Variants in PPP2R2C observed in about 807,000 individuals in gnomAD.
PPP2R2C encodes the protein protein phosphatase 2, regulatory subunit B, gamma.
In PPP2R2C, 10 loss-of-function variants were observed where a neutral mutation model predicts 45.3. That is an observed-to-expected ratio of 0.22 (90% CI 0.14 to 0.37). The LOEUF is 0.37. PPP2R2C is among the 10% of genes least tolerant of loss of function. The pLI, the probability that PPP2R2C is intolerant of heterozygous loss-of-function variation, is 1.00. For synonymous variants in PPP2R2C, 257 were observed against 245.4 expected (o/e 1.05, Z -0.44); for missense variants, 308 against 619.7 (o/e 0.50, Z 5.34).
At chr4:6,452,145 A>G (rs1720770529) in intron 1 of PPP2R2C, among the ~76,000 whole-genome samples, 1 of 152,156 alleles carries the variant, frequency 6.6e-6, no homozygotes, top group South Asian at 2.1e-4. Flanking sequence ...GAGCCTGGAC[A>G]GGAAGCAGGA....
rs1199520547 is a variant in PPP2R2C, at chr4:6,332,509, C to T, written c.960+1053G>A. ...CTCTGGGGCCCAGGTCAGATCAGAG[C>T]AGCCCACCCTCTGAGCTCTGCACCA... On this transcript the variant is annotated intron_variant, in intron 7 of 8. Coordinates refer to ENST00000382599, the MANE Select transcript of PPP2R2C (RefSeq NM_020416.4). The surrounding 1 kb of genome is among the most constrained non-coding windows in gnomAD (Gnocchi z 4.9). 1.3e-5 allele frequency among the ~76,000 whole-genome samples: 2 copies of T among 152,180 alleles called. No individual in the cohort carries two copies. Among genetic ancestry groups the T allele is most frequent in the African/African-American group, 4.8e-5 (2 of 41,430 alleles).
intron 1 of PPP2R2C, among the ~76,000 whole-genome samples, chr4:6,446,201 A>T (rs1577188732): frequency 6.6e-6 from 1 of 152,212 alleles, no homozygotes; most frequent in East Asian, 1.9e-4. Context: ...ACGTTCTGAG[A>T]CTCTAGAACT....
At chr4:6,552,160 T>A (rs1413180032) in intron 1 of PPP2R2C, among the ~76,000 whole-genome samples, 1 of 152,244 alleles carries the variant, frequency 6.6e-6, no homozygotes, top group African/African-American at 2.4e-5. Flanking sequence ...CCATGGCACC[T>A]GCTCTGAAAT....
At chr4:6,473,188 G>C (rs530527281), upstream of PPP2R2C, among the ~76,000 whole-genome samples, 9 of 152,214 alleles carry the variant, frequency 5.9e-5, no homozygotes, top group East Asian at 1.7e-3. Context: ...GCAGGGCTCT[G>C]AGATCTCTCC....
chr4:6,470,768 G>A (rs984051553), intron 1 of PPP2R2C, among the ~76,000 whole-genome samples: 1 of 151,688 alleles, frequency 6.6e-6, no homozygotes, highest in African/African-American at 2.4e-5. Flanking sequence ...TCCCAAAGCC[G>A]CGGCCGGGTC....
Position 6,332,263 on chromosome 4 carries a change from T to C in PPP2R2C, c.960+1299A>G, listed in dbSNP as rs1732466925. 6.6e-6 allele frequency among the ~76,000 whole-genome samples: 1 copy of C among 152,190 alleles called. No homozygotes were observed. Among genetic ancestry groups the C allele is most frequent in the Non-Finnish European group, 1.5e-5 (1 of 68,038 alleles). ...AGCCAGAGAGTTGCTCCTGCAGGCT[T>C]GAGCCGGGCTTATCCTGTCCCTCTC... is the stretch of plus-strand genomic sequence containing the variant. On this transcript the variant is annotated intron_variant, in intron 7 of 8. Transcript: ENST00000382599. The surrounding 1 kb of genome is among the most constrained non-coding windows in gnomAD (Gnocchi z 4.9).
At chr4:6,422,400 TC>T (rs765525201) in intron 1 of PPP2R2C, among the ~76,000 whole-genome samples, 27 of 152,214 alleles carry the variant, frequency 1.8e-4, no homozygotes, top group Non-Finnish European at 3.8e-4. Context: ...AGCCTCAGCG[TC>T]CTCATTTTTT....
intron 5 of PPP2R2C, among the ~76,000 whole-genome samples, chr4:6,366,458 T>A (rs1256641081): frequency 6.6e-6 from 1 of 152,186 alleles, no homozygotes; most frequent in East Asian, 1.9e-4. Context: ...TATCGCCAAG[T>A]CCTATGTGGA....
Position 6,321,626 on chromosome 4 carries a change from T to C in PPP2R2C, c.*1676A>G, listed in dbSNP as rs936266412. ...AATAACCTCAGCTGGGTCTGTTTCCTGGGTTATGTTATATCTTGTAAAAAA... is the reference window on the plus strand; with the variant it reads ...AATAACCTCAGCTGGGTCTGTTTCCCGGGTTATGTTATATCTTGTAAAAAA... On this transcript the variant is annotated 3_prime_UTR_variant, in exon 9 of 9. Coordinates refer to ENST00000382599, the MANE Select transcript of PPP2R2C (RefSeq NM_020416.4). The C allele has an allele frequency of 6.6e-6, 1 of 151,466 alleles. No individual in the cohort carries two copies. Among genetic ancestry groups the C allele is most frequent in the Admixed American group, 6.6e-5 (1 of 15,168 alleles). 9.4% of individuals were successfully genotyped at this position (151,466 alleles called of 1,614,324 possible). A position where few individuals can be genotyped will look rare whatever the true frequency, so the allele number is the denominator to read the frequency against.
At chr4:6,506,319 G>A (rs996959508) in intron 2 of PPP2R2C, among the ~76,000 whole-genome samples, 4 of 152,146 alleles carry the variant, frequency 2.6e-5, no homozygotes, top group African/African-American at 4.8e-5. Flanking sequence ...TACACTTTAC[G>A]GAACATAGCT....
At chr4:6,472,132 G>C (rs970833983) in intron 1 of PPP2R2C, 28 bp downstream of exon 1, 38 of 1,613,096 alleles carry the variant, frequency 2.4e-5, no homozygotes, top group Non-Finnish European at 3.2e-5. Flanking sequence ...CGGCCGGCCG[G>C]AGGGGTCTCA....
intron 2 of PPP2R2C, among the ~76,000 whole-genome samples, chr4:6,526,771 C>A (rs1724222046): frequency 6.6e-6 from 1 of 152,174 alleles, no homozygotes; most frequent in Non-Finnish European, 1.5e-5. Context: ...AGAACCAACC[C>A]TGGTTTTGCA....
chr4:6,457,866 A>C (rs1240082066), intron 1 of PPP2R2C, among the ~76,000 whole-genome samples: 1 of 152,220 alleles, frequency 6.6e-6, no homozygotes, highest in Non-Finnish European at 1.5e-5. Flanking sequence ...TTGCAGAATT[A>C]TCTTTCTCCA....
At chr4:6,334,680 G>A (rs1054691278) in intron 6 of PPP2R2C, among the ~76,000 whole-genome samples, 3 of 152,172 alleles carry the variant, frequency 2.0e-5, no homozygotes, top group Non-Finnish European at 4.4e-5. Flanking sequence ...GATGGGAAGA[G>A]AACAGGGTGG....
chr4:6,472,626 G>GGCCGCCGCC (rs987279249), upstream of PPP2R2C, among the ~76,000 whole-genome samples: 9 of 147,078 alleles, frequency 6.1e-5, no homozygotes, highest in Non-Finnish European at 1.2e-4. Context: ...CGCGGGCTGG[G>GGCCGCCGCC]GCCGCCGCCG....
At chr4:6,348,221 CT>C (rs1712187216) in intron 5 of PPP2R2C, among the ~76,000 whole-genome samples, 1 of 151,874 alleles carries the variant, frequency 6.6e-6, no homozygotes, top group African/African-American at 2.4e-5. Flanking sequence ...TGCCTGTCCC[CT>C]GTTCCCATGA....
intron 1 of PPP2R2C, among the ~76,000 whole-genome samples, chr4:6,446,333 G>A (rs748690548): frequency 2.6e-5 from 4 of 152,048 alleles, no homozygotes; most frequent in Non-Finnish European, 5.9e-5. Flanking sequence ...AGCATCGGAC[G>A]TTTTCCAGTC....
At chr4:6,355,480 G>A (rs927157491) in intron 5 of PPP2R2C, among the ~76,000 whole-genome samples, 2 of 147,720 alleles carry the variant, frequency 1.4e-5, no homozygotes, top group African/African-American at 2.5e-5. Context: ...TAACTAACCT[G>A]TACAATGTGC....
At chr4:6,497,882 G>A (rs1026290260) in intron 2 of PPP2R2C, among the ~76,000 whole-genome samples, 51 of 152,198 alleles carry the variant, frequency 3.4e-4, no homozygotes, top group Admixed American at 1.8e-3. Flanking sequence ...ACATATGAAA[G>A]GCTCTGCAGG....
Sources: allele counts gnomAD v4.1 joint callset (sites outside exome capture counted in the v4.1 genomes callset), GRCh38; gene constraint gnomAD v4.1.1; non-coding constraint Gnocchi (gnomAD v3.1); transcripts MANE v1.5; gene names NCBI Gene and HGNC (gene_info 2026-07-23, HGNC 2026-07-21).